WDFY4: variants seen among roughly 807,000 people sequenced by gnomAD.
WDFY4 encodes WD repeat- and FYVE domain-containing protein 4.
In WDFY4, 169 loss-of-function variants were observed where a neutral mutation model predicts 351.9. That is an observed-to-expected ratio of 0.48 (90% CI 0.42 to 0.55). WDFY4 has a LOEUF of 0.55. Among genes scored for constraint, WDFY4 ranks in the 20% least tolerant of loss-of-function variants. The pLI, the probability that WDFY4 is intolerant of heterozygous loss-of-function variation, is 0.00. For synonymous variants in WDFY4, 1,622 were observed against 1,574.6 expected, an observed-to-expected ratio of 1.03 and a Z score of -0.71; for missense variants, 3,803 against 3,935.6, an observed-to-expected ratio of 0.97 and a Z score of 0.90.
chr10:48,913,715 G>T, intron 47 of WDFY4: 1 of 1,612,622 alleles, frequency 6.2e-7, no homozygotes, highest in Non-Finnish European at 8.5e-7. Flanking sequence ...GCCCTACCTC[G>T]TGGAGCTCCT....
At chr10:48,700,212 C>G (rs2063440806) in intron 1 of WDFY4, among the ~76,000 whole-genome samples, 1 of 152,204 alleles carries the variant, frequency 6.6e-6, no homozygotes, top group Admixed American at 6.5e-5. Flanking sequence ...AGCTCTTTCC[C>G]CAAGGGCCCA....
At chr10:48,761,147 T>A (rs2065489264) in intron 13 of WDFY4, among the ~76,000 whole-genome samples, 1 of 151,636 alleles carries the variant, frequency 6.6e-6, no homozygotes, top group African/African-American at 2.4e-5. Flanking sequence ...GTAGCTAGTG[T>A]GAACTGGGTG....
In WDFY4 at chr10:48,699,760, CT is replaced by C. The variant is rs1341707088; in HGVS notation, c.-17-9954del. ...ACACTGTGCTTTTTGTTTTTGTCCT[CT>C]TGGTCTACTCTCTGGGCTGAGAGGT... On this transcript the variant is annotated intron_variant, in intron 1 of 61. Transcript: ENST00000325239. Among the ~76,000 whole-genome samples the C allele has an allele frequency of 4.6e-5, 7 of 152,306 alleles. No homozygotes were observed. In the East Asian group the frequency reaches 1.3e-3, roughly 29 times the overall value.
chr10:48,892,141 C>A (rs765748429), intron 44 of WDFY4, among the ~76,000 whole-genome samples: 3 of 152,188 alleles, frequency 2.0e-5, no homozygotes, highest in Non-Finnish European at 4.4e-5. Flanking sequence ...TCTCTGAGAG[C>A]GGATGAAAGC....
At chr10:48,888,572 T>A (rs1373827871) in intron 43 of WDFY4, among the ~76,000 whole-genome samples, 1 of 152,108 alleles carries the variant, frequency 6.6e-6, no homozygotes, top group Non-Finnish European at 1.5e-5. Context: ...CATGGCTTTC[T>A]GTTGCAACCA....
chr10:48,969,095 C>A lies in WDFY4; in HGVS notation c.8616C>A (p.Ser2872=). The A allele has an allele frequency of 6.4e-7, 1 of 1,551,790 alleles. No individual in the cohort carries two copies. The highest frequency in any genetic ancestry group is 8.7e-7 in the Non-Finnish European group (1 of 1,146,954). Residue 2872 remains serine, a synonymous_variant, in exon 56 of 62, where the codon TCC becomes TCA. Coordinates refer to ENST00000325239, the MANE Select transcript of WDFY4 (RefSeq NM_001394531.1). Reference sequence around the variant, plus strand: ...ACCTCTTTTCTCTAGGCTCAGAGTCCCCCAAAGGGGCCATTGGCCACATTG... The same window carrying A: ...ACCTCTTTTCTCTAGGCTCAGAGTCACCCAAAGGGGCCATTGGCCACATTG... The part of the protein sequence containing the change: ...DMYLFSLGSE[S]PKGAIGHIVS...
In WDFY4 at chr10:48,826,792, T is replaced by G; in HGVS notation, c.6104T>G (p.Leu2035Arg). 1 of 1,551,992 alleles carries G rather than the reference T, an allele frequency of 6.4e-7. No individual in the cohort carries two copies. Among genetic ancestry groups the G allele is most frequent in the Non-Finnish European group, 8.7e-7 (1 of 1,147,052 alleles). ...CAGTCCCTCTCCGAATGCCTCGGCC[T>G]TCTCAGCATCCTGGGCTTTCTGCAG... ...PQQSLSECLG[L>R]LSILGFLQEH... The change falls in exon 36 of 62, where the codon CTT (leucine) becomes CGT (arginine). Residue 2035 changes from leucine to arginine, a missense_variant. Leu to Arg is a moderately radical substitution (Grantham distance 102). Around this residue, in one of 3 missense-constraint regions of WDFY4, gnomAD observed 3,054 missense variants for 3,148.6 expected, o/e 0.97. Transcript: ENST00000325239.
chr10:48,743,304 G>C lies in WDFY4; in HGVS notation c.2215G>C (p.Ala739Pro). 5 of 1,551,676 alleles carry C rather than the reference G, an allele frequency of 3.2e-6. No homozygotes were observed. The South Asian group carries it at 4.8e-5, about 15-fold the overall frequency. The change falls in exon 12 of 62, where the codon GCC (alanine) becomes CCC (proline). Residue 739 changes from alanine (A) to proline (P), a missense_variant. By Grantham distance (27) the Ala-to-Pro change is conservative. This residue lies in a region of WDFY4 where 3,054 missense variants were observed against 3,148.6 expected (regional missense o/e 0.97). Coordinates refer to ENST00000325239, the MANE Select transcript of WDFY4 (RefSeq NM_001394531.1). Reference sequence around the variant, plus strand: ...GCTGCGCTCTTGGGTGGACACAAAGGCCAGGCCATTTGCAGATTTGCTGGG... The same window carrying C: ...GCTGCGCTCTTGGGTGGACACAAAGCCCAGGCCATTTGCAGATTTGCTGGG... ...NLLRSWVDTK[A>P]RPFADLLGTA...
rs749018567 is a variant in WDFY4 at position 48,814,088 on chromosome 10, A to G, written c.5340+6A>G. The G allele has an allele frequency of 6.5e-7, 1 of 1,539,588 alleles. No homozygotes were observed. Among genetic ancestry groups the G allele is most frequent in the South Asian group, 1.2e-5 (1 of 82,860 alleles). ...TGAAGGCCACCATGAGCCAGGTGAG[A>G]CCCATTCCCCACATGCTGCCCCGAG... On this transcript the variant is annotated splice_donor_region_variant and intron_variant, in intron 31 of 61. Coordinates refer to ENST00000325239, the MANE Select transcript of WDFY4 (RefSeq NM_001394531.1).
chr10:48,713,500 C>T (rs930803842), intron 2 of WDFY4, among the ~76,000 whole-genome samples: 4 of 152,214 alleles, frequency 2.6e-5, no homozygotes, highest in Admixed American at 2.6e-4. Context: ...TACAGTGAAT[C>T]CCAGCCCCAC....
In WDFY4 at chr10:48,786,726, C is replaced by G. The variant is rs1361746609; in HGVS notation, c.3664C>G (p.Arg1222Gly). 21 of 1,552,140 alleles carry G rather than the reference C, an allele frequency of 1.4e-5. No homozygotes were observed. In the Admixed American group the frequency reaches 2.7e-4, roughly 20 times the overall value. The change falls in exon 20 of 62, where the codon CGA becomes GGA. Residue 1222 changes from arginine (R) to glycine (G), a missense_variant. Around this residue, in one of 3 missense-constraint regions of WDFY4, gnomAD observed 3,054 missense variants for 3,148.6 expected, o/e 0.97. Transcript: ENST00000325239. ...TGTTTATGGATATATTGCTACTCCT[C>G]GAGTCTGGAAACAAAAGTCTTCATT... ...VDVYGYIATP[R>G]VWKQKSSLIW...
intron 47 of WDFY4, among the ~76,000 whole-genome samples, chr10:48,928,598 C>A (rs1213122883): frequency 6.6e-6 from 1 of 152,190 alleles, no homozygotes; most frequent in Non-Finnish European, 1.5e-5. Context: ...CACATTGCTC[C>A]TTTGAGCTGC....
chr10:48,749,372 C>G (rs2065111348), intron 12 of WDFY4, among the ~76,000 whole-genome samples: 1 of 151,882 alleles, frequency 6.6e-6, no homozygotes, highest in Non-Finnish European at 1.5e-5. Context: ...ACACACCACA[C>G]TAAACATACA....
chr10:48,747,641 TA>T (rs910349751), intron 12 of WDFY4, among the ~76,000 whole-genome samples: 89 of 152,348 alleles, frequency 5.8e-4, no homozygotes, highest in Middle Eastern at 3.4e-3. Context: ...TCTAGCCATT[TA>T]GGTTTTCTTT....
chr10:48,954,503 T>G (rs1051437158), intron 51 of WDFY4, among the ~76,000 whole-genome samples: 1 of 152,240 alleles, frequency 6.6e-6, no homozygotes, highest in African/African-American at 2.4e-5. Context: ...TTCATTTGGG[T>G]CTGGACTTTC....
At chr10:48,873,357 G>T in intron 40 of WDFY4, 134 bp from the exon 41 acceptor site, 1 of 990,492 alleles carries the variant, frequency 1.0e-6, no homozygotes, top group Non-Finnish European at 1.5e-6. Flanking sequence ...TACACATTCT[G>T]AGGGTGTAGA....
chr10:48,779,398 A>T (rs1429428425), intron 18 of WDFY4, among the ~76,000 whole-genome samples: 1 of 152,240 alleles, frequency 6.6e-6, no homozygotes, highest in Non-Finnish European at 1.5e-5. Context: ...GAGATGGTCA[A>T]GTCCAGTGGA....
Position 48,817,415 on chromosome 10 carries a change from A to T in WDFY4, c.5505+6A>T, listed in dbSNP as rs759614134. 1.1e-5 allele frequency: 17 copies of T among 1,548,032 alleles called. No homozygotes were observed. In the African/African-American group the frequency reaches 2.3e-4, roughly 21 times the overall value. On this transcript the variant is annotated splice_donor_region_variant and intron_variant, in intron 32 of 61. Coordinates refer to ENST00000325239, the MANE Select transcript of WDFY4 (RefSeq NM_001394531.1). ...TCCCCCTGGGAGCCCAAAAGGTAGGACATGCTGCTGTCCCACCCAGAGAGA... is the reference window on the plus strand; with the variant it reads ...TCCCCCTGGGAGCCCAAAAGGTAGGTCATGCTGCTGTCCCACCCAGAGAGA...
intron 11 of WDFY4, among the ~76,000 whole-genome samples, chr10:48,739,692 T>C (rs1171712525): frequency 6.6e-6 from 1 of 152,190 alleles, no homozygotes; most frequent in Non-Finnish European, 1.5e-5. Context: ...TTTTAGATAA[T>C]GACTCTGAAT....
Sources: allele counts gnomAD v4.1 joint callset (sites outside exome capture counted in the v4.1 genomes callset), GRCh38; gene constraint gnomAD v4.1.1; regional missense constraint gnomAD v4.1.1; transcripts MANE v1.5; gene names NCBI Gene and HGNC (gene_info 2026-07-23, HGNC 2026-07-21).